Variants in CDH2 observed in about 807,000 individuals in gnomAD.
CDH2 encodes cadherin 2.
Under a neutral mutation model 92.0 loss-of-function variants are expected in CDH2, and 17 were observed. The ratio of observed to expected loss-of-function variants is 0.18; its 90% CI spans 0.13 to 0.28. The LOEUF (loss-of-function observed/expected upper bound fraction) is 0.28, where lower values mean the gene tolerates loss of function less well. Ranked by LOEUF, CDH2 falls within the 10% of genes least tolerant of loss-of-function variation. CDH2 has a pLI of 1.00. For synonymous variants in CDH2, 419 were observed against 415.9 expected, an observed-to-expected ratio of 1.01 and a Z score of -0.09; for missense variants, 862 against 1,133.1, an observed-to-expected ratio of 0.76 and a Z score of 3.44.
intron 2 of CDH2, among the ~76,000 whole-genome samples, chr18:28,138,906 G>C (rs1429649620): frequency 1.3e-5 from 2 of 152,080 alleles, no homozygotes; most frequent in African/African-American, 4.8e-5. Context: ...GACTTGGTAA[G>C]AGAGTGATCT....
chr18:28,061,490 C>T (rs1037394547), intron 2 of CDH2, among the ~76,000 whole-genome samples: 1 of 152,056 alleles, frequency 6.6e-6, no homozygotes, highest in Non-Finnish European at 1.5e-5. Flanking sequence ...TAAAGAAATA[C>T]AAAAATCAGC....
At chr18:28,134,716 A>G (rs925610944) in intron 2 of CDH2, among the ~76,000 whole-genome samples, 3 of 152,148 alleles carry the variant, frequency 2.0e-5, no homozygotes, top group Non-Finnish European at 4.4e-5. Context: ...GTCTCAAAAA[A>G]ACAAACAAAC....
chr18:28,022,529 A>T (rs2013439503), intron 2 of CDH2, among the ~76,000 whole-genome samples: 1 of 152,110 alleles, frequency 6.6e-6, no homozygotes, highest in Non-Finnish European at 1.5e-5. Context: ...AACAAGAGTT[A>T]GTGGGAGTAA....
At chr18:28,080,141 A>C (rs1380766773) in intron 2 of CDH2, among the ~76,000 whole-genome samples, 2 of 152,168 alleles carry the variant, frequency 1.3e-5, no homozygotes, top group Non-Finnish European at 2.9e-5. Context: ...AGGAAAGACA[A>C]GACCCTGAGG....
chr18:28,070,125 G>C (rs772317796), intron 2 of CDH2, among the ~76,000 whole-genome samples: 2 of 152,132 alleles, frequency 1.3e-5, no homozygotes, highest in African/African-American at 4.8e-5. Flanking sequence ...GCTTAGAAGA[G>C]AGCTGGAATT....
downstream of CDH2, among the ~76,000 whole-genome samples, chr18:27,949,198 G>A (rs766755167): frequency 7.2e-5 from 11 of 151,982 alleles, no homozygotes; most frequent in Non-Finnish European, 1.0e-4. Context: ...ATTTTGAGCT[G>A]CACAAAATCC....
rs759173374 is a variant in CDH2 at position 28,158,596 on chromosome 18, T to C, written c.61-10812A>G. On this transcript the variant is annotated intron_variant, in intron 1 of 15. Transcript: ENST00000269141. The stretch of plus-strand genomic sequence containing the variant: ...TTCCACTGCCCAGTCAGTGTTACCC[T>C]GAATGGCAATTCTTAAAGTATGGTC... Among the ~76,000 whole-genome samples the C allele has an allele frequency of 7.5e-4, 114 of 152,308 alleles. 2 individuals carry two copies. The highest frequency in any genetic ancestry group is 3.3e-3 in the East Asian group (17 of 5,172).
rs779405421 is a variant in CDH2, at chr18:27,952,102, T to C, written c.*51A>G. On this transcript the variant is annotated 3_prime_UTR_variant, in exon 16 of 16. Transcript: ENST00000269141. ...CTAGCTTCTGAATGCTTTTTGGGAA[T>C]ATCAGTTGAAATTGTTTGTACTTGT... The C allele has an allele frequency of 1.7e-5, 25 of 1,438,934 alleles. No individual in the cohort carries two copies. In the Admixed American group the frequency reaches 1.8e-4, roughly 11 times the overall value. 89.1% of individuals were successfully genotyped at this position (1,438,934 alleles called of 1,614,324 possible).
At chr18:28,082,495 A>G (rs2014850271) in intron 2 of CDH2, among the ~76,000 whole-genome samples, 1 of 152,186 alleles carries the variant, frequency 6.6e-6, no homozygotes, top group Admixed American at 6.5e-5. Flanking sequence ...CCAGCCTAAC[A>G]AAAATAGGTC....
chr18:28,158,126 T>A (rs2016250591), intron 1 of CDH2, among the ~76,000 whole-genome samples: 1 of 152,198 alleles, frequency 6.6e-6, no homozygotes, highest in Non-Finnish European at 1.5e-5. Context: ...TTTGAGTAGC[T>A]GGCCATAGTG....
chr18:27,992,506 A>G (rs1027879206), intron 9 of CDH2, 149 bp downstream of exon 9: 37 of 569,862 alleles, frequency 6.5e-5, no homozygotes, highest in African/African-American at 1.9e-5. Flanking sequence ...ACAGTAAGAT[A>G]TAACCTCCCA....
chr18:28,104,065 G>T (rs1008805048), intron 2 of CDH2, among the ~76,000 whole-genome samples: 5 of 152,116 alleles, frequency 3.3e-5, no homozygotes, highest in South Asian at 2.1e-4. Flanking sequence ...CCTGATGCCA[G>T]CTGGCTATGA....
chr18:28,125,229 A>G (rs1036045507), intron 2 of CDH2, among the ~76,000 whole-genome samples: 1 of 152,192 alleles, frequency 6.6e-6, no homozygotes, highest in Non-Finnish European at 1.5e-5. Context: ...TGTAAATTGA[A>G]CCATTGTAAG....
intron 2 of CDH2, chr18:28,045,652 C>T: frequency 3.5e-6 from 1 of 283,024 alleles, no homozygotes; most frequent in Non-Finnish European, 7.0e-6. Context: ...TTTATGACGT[C>T]CCAGCAGACA....
intron 2 of CDH2, among the ~76,000 whole-genome samples, chr18:28,069,587 T>G (rs548885729): frequency 2.0e-5 from 3 of 152,154 alleles, no homozygotes; most frequent in Non-Finnish European, 4.4e-5. Context: ...CCCTCAGATC[T>G]TAAAAATAAA....
At chr18:28,061,148 C>T (rs1174199669) in intron 2 of CDH2, among the ~76,000 whole-genome samples, 11 of 151,986 alleles carry the variant, frequency 7.2e-5, no homozygotes. Flanking sequence ...TCAGTGTGGC[C>T]ATGTATACCA....
chr18:28,034,145 T>C (rs1257439999), intron 2 of CDH2, among the ~76,000 whole-genome samples: 1 of 152,110 alleles, frequency 6.6e-6, no homozygotes. Flanking sequence ...GTTGCGCTGA[T>C]AATAATCTCT....
intron 14 of CDH2, among the ~76,000 whole-genome samples, chr18:27,979,835 G>C (rs1446793986): frequency 6.6e-6 from 1 of 152,178 alleles, no homozygotes; most frequent in African/African-American, 2.4e-5. Context: ...GGGTATAAGG[G>C]AAGCTTCTAG....
chr18:28,127,473 C>T (rs538639239), intron 2 of CDH2, among the ~76,000 whole-genome samples: 9 of 152,320 alleles, frequency 5.9e-5, no homozygotes, highest in African/African-American at 2.2e-4. Flanking sequence ...AGGGAAAATA[C>T]TTTCCTTATC....
Sources: gnomAD v4.1 joint callset for allele counts (sites outside exome capture counted in the v4.1 genomes callset) on GRCh38, gnomAD v4.1.1 for gene constraint, MANE v1.5 for transcripts, NCBI Gene and HGNC (gene_info 2026-07-23, HGNC 2026-07-21) for gene names.